The following FAM149B1 variants were observed in gnomAD, a reference collection of about 807,000 sequenced individuals.
The protein encoded by FAM149B1 is family with sequence similarity 149 member B1.
Under a neutral mutation model 75.3 loss-of-function variants are expected in FAM149B1, and 56 were observed. The ratio of observed to expected loss-of-function variants is 0.74; its 90% CI spans 0.60 to 0.93. FAM149B1 has a LOEUF of 0.93. Among genes scored for constraint, FAM149B1 ranks in the 40% least tolerant of loss-of-function variants. The pLI is 0.00. For missense variants in FAM149B1, 639 were observed against 708.4 expected (o/e 0.90, Z 1.11); for synonymous variants, 259 against 256.1 (o/e 1.01, Z -0.11).
At chr10:73,210,833 GA>G (rs912303294) in intron 7 of FAM149B1, among the ~76,000 whole-genome samples, 10 of 145,466 alleles carry the variant, frequency 6.9e-5, no homozygotes, top group South Asian at 2.2e-4. Context: ...CAAAAAAGAA[GA>G]AAAAAAAAAG....
At position 73,235,212 on chromosome 10, in the gene FAM149B1, G is replaced by A. The variant is rs774548823; in HGVS notation, c.1496G>A (p.Ser499Asn). 1.3e-6 allele frequency: 2 copies of A among 1,551,554 alleles called. No individual in the cohort carries two copies. The highest frequency in any genetic ancestry group is 1.7e-6 in the Non-Finnish European group (2 of 1,146,960). Residue 499 changes from serine (S) to asparagine (N), a missense_variant, in exon 12 of 14, where the codon AGT becomes AAT. Transcript: ENST00000242505. ...CTGCAGAAACCCCATGGCGACTCTA[G>A]TCGAGCTCAAAGTGCGGTGGTGGAT... is the stretch of plus-strand genomic sequence containing the variant. ...QRQMKPHGDS[S>N]RAQSAVVDEP... is the part of the protein sequence containing the mutation.
Position 73,244,182 on chromosome 10 carries a change from C to T in FAM149B1, c.*3163C>T, listed in dbSNP as rs1366530614. 2.2e-6 allele frequency: 1 copy of T among 458,012 alleles called. No individual in the cohort carries two copies. Among genetic ancestry groups the T allele is most frequent in the East Asian group, 4.2e-5 (1 of 23,812 alleles). 28.4% of individuals were successfully genotyped at this position (458,012 alleles called of 1,614,324 possible). On this transcript the variant is annotated 3_prime_UTR_variant, in exon 14 of 14. Transcript: ENST00000242505. ...TAGAGGTAGTAAGTACTCTGGCACT[C>T]ATAAATCACATGATGATAAAAAGGA... is the stretch of plus-strand genomic sequence containing the variant.
At chr10:73,168,458 T>A in intron 1 of FAM149B1, 72 bp downstream of exon 1, 1 of 1,509,960 alleles carries the variant, frequency 6.6e-7, no homozygotes, top group South Asian at 1.2e-5. Context: ...TGACCAGTCC[T>A]TCGTTCCTTT....
At chr10:73,186,885 G>T (rs1287662705) in intron 3 of FAM149B1, among the ~76,000 whole-genome samples, 1 of 152,152 alleles carries the variant, frequency 6.6e-6, no homozygotes, top group East Asian at 1.9e-4. Context: ...GCAGAGAGAG[G>T]AATGGGGGAT....
At chr10:73,235,087 C>A in intron 11 of FAM149B1, 106 bp from the exon 12 acceptor site, 1 of 1,428,562 alleles carries the variant, frequency 7.0e-7, no homozygotes, top group Non-Finnish European at 9.5e-7. Context: ...GGAATTGGAG[C>A]TGTTTGGCCT....
chr10:73,217,132 A>G (rs1451989219), intron 7 of FAM149B1, among the ~76,000 whole-genome samples: 1 of 152,200 alleles, frequency 6.6e-6, no homozygotes, highest in Non-Finnish European at 1.5e-5. Context: ...CATTATGTGT[A>G]TCAATAATTT....
intron 7 of FAM149B1, among the ~76,000 whole-genome samples, chr10:73,214,459 T>C (rs1357661808): frequency 6.6e-6 from 1 of 152,252 alleles, no homozygotes; most frequent in Admixed American, 6.5e-5. Context: ...GCCTTTATTA[T>C]GTTGAGGTAT....
intron 5 of FAM149B1, among the ~76,000 whole-genome samples, chr10:73,199,197 T>TTTGTTGTTGTTGTTG (rs3998310): frequency 9.5e-4 from 139 of 146,560 alleles, no homozygotes; most frequent in Non-Finnish European, 1.4e-3. Context: ...GTTATCCTTT[T>TTTGTTGTTGTTGTTG]TTGTTGTTGT....
intron 1 of FAM149B1, among the ~76,000 whole-genome samples, chr10:73,173,482 T>C (rs953143755): frequency 2.0e-5 from 3 of 152,252 alleles, no homozygotes; most frequent in East Asian, 3.8e-4. Context: ...TATCCCTTTA[T>C]AGTTATATCC....
intron 3 of FAM149B1, 137 bp from the exon 4 acceptor site, chr10:73,192,419 C>A: frequency 1.2e-6 from 1 of 819,354 alleles, no homozygotes; most frequent in South Asian, 2.0e-5. Context: ...TTTAACTTTT[C>A]TTTCGTGGAA....
intron 7 of FAM149B1, among the ~76,000 whole-genome samples, chr10:73,214,418 T>C (rs1034274254): frequency 2.6e-5 from 4 of 152,248 alleles, no homozygotes; most frequent in African/African-American, 9.6e-5. Context: ...CTCTGTTAAG[T>C]ATAATGCTAG....
chr10:73,196,812 A>C (rs1457348590), intron 5 of FAM149B1, among the ~76,000 whole-genome samples: 3 of 152,036 alleles, frequency 2.0e-5, no homozygotes. Context: ...TCCTTCCAAC[A>C]CTGGCTTTCT....
chr10:73,221,501 A>G (rs7904452), intron 7 of FAM149B1, among the ~76,000 whole-genome samples: 6,777 of 152,168 alleles, frequency 0.045, 472 homozygotes, highest in African/African-American at 0.15. Flanking sequence ...GTTTCTGAAA[A>G]GAAATTTGTT....
At chr10:73,174,994 T>G (rs914975508) in intron 2 of FAM149B1, among the ~76,000 whole-genome samples, 1 of 152,118 alleles carries the variant, frequency 6.6e-6, no homozygotes, top group Non-Finnish European at 1.5e-5. Context: ...AGAAGTAGTA[T>G]TATAAAGTAG....
At chr10:73,175,615 A>T (rs1047138178) in intron 2 of FAM149B1, among the ~76,000 whole-genome samples, 2 of 150,262 alleles carry the variant, frequency 1.3e-5, no homozygotes, top group Non-Finnish European at 3.0e-5. Context: ...GCTTGCAGTG[A>T]GCCAAGATCA....
chr10:73,233,268 C>A, intron 10 of FAM149B1, 105 bp downstream of exon 10: 1 of 812,816 alleles, frequency 1.2e-6, no homozygotes, highest in Non-Finnish European at 2.0e-6. Context: ...AGAAACTAAT[C>A]ATTAAGTAGT....
In FAM149B1 at chr10:73,224,634, G is replaced by C. The variant is rs184948606; in HGVS notation, c.899-3426G>C. On this transcript the variant is annotated intron_variant, in intron 7 of 13. Coordinates refer to ENST00000242505, the MANE Select transcript of FAM149B1 (RefSeq NM_173348.2). ...TTACAAGTGCCTGCCACCACACCCA[G>C]CTATTTTTTGTATTTTTAGTAGAGA... Among the ~76,000 whole-genome samples the C allele has an allele frequency of 3.8e-3, 582 of 152,032 alleles. 8 individuals are homozygous for C. Among genetic ancestry groups the C allele is most frequent in the African/African-American group, 0.013 (529 of 41,450 alleles).
chr10:73,207,160 C>A (rs1488322214), intron 5 of FAM149B1, among the ~76,000 whole-genome samples: 1 of 152,126 alleles, frequency 6.6e-6, no homozygotes, highest in African/African-American at 2.4e-5. Context: ...GGTTGGAGGC[C>A]CCACACACAA....
Position 73,242,014 on chromosome 10 carries a change from C to CTAAATACAAATTAATA in FAM149B1, c.*995_*996insTAAATACAAATTAATA, listed in dbSNP as rs2043959976. 1 of 152,092 alleles carries CTAAATACAAATTAATA rather than the reference C, an allele frequency of 6.6e-6. No homozygotes were observed. Among genetic ancestry groups the CTAAATACAAATTAATA allele is most frequent in the Non-Finnish European group, 1.5e-5 (1 of 68,022 alleles). The allele number at this position is 152,092 out of a possible 1,614,324, so 9.4% of individuals were successfully genotyped here. On this transcript the variant is annotated 3_prime_UTR_variant, in exon 14 of 14. Coordinates refer to ENST00000242505, the MANE Select transcript of FAM149B1 (RefSeq NM_173348.2). ...TAAATACAAATCTTGATTGTCATGC[C>CTAAATACAAATTAATA]AGTTTTAGATCTTATTAATTTTCAG...
Sources: gnomAD v4.1 joint callset for allele counts (sites outside exome capture counted in the v4.1 genomes callset) on GRCh38, gnomAD v4.1.1 for gene constraint, MANE v1.5 for transcripts, NCBI Gene and HGNC (gene_info 2026-07-23, HGNC 2026-07-21) for gene names.